CCSER1: variants seen among roughly 807,000 people sequenced by gnomAD.
CCSER1 encodes serine-rich coiled-coil domain-containing protein 1.
Under a neutral mutation model 82.0 loss-of-function variants are expected in CCSER1, and 41 were observed. The observed-to-expected ratio is 0.50, with a 90% CI of 0.39 to 0.65. The LOEUF (loss-of-function observed/expected upper bound fraction) is 0.65. Ranked by LOEUF, CCSER1 falls within the 30% of genes least tolerant of loss-of-function variation. The probability of loss-of-function intolerance (pLI) is 0.00; values close to 1 mark genes in which losing one functional copy is unlikely to be tolerated. For synonymous variants in CCSER1, 414 were observed against 383.9 expected (o/e 1.08, Z -0.92); for missense variants, 1,119 against 1,064.2 (o/e 1.05, Z -0.72).
intron 6 of CCSER1, among the ~76,000 whole-genome samples, chr4:90,638,475 T>A (rs1322188639): frequency 6.6e-6 from 1 of 152,160 alleles, no homozygotes; most frequent in Admixed American, 6.6e-5. Context: ...TATAAATTAT[T>A]ACAAGTTATT....
chr4:90,168,450 C>A (rs1730950851), intron 1 of CCSER1, among the ~76,000 whole-genome samples: 1 of 152,080 alleles, frequency 6.6e-6, no homozygotes, highest in South Asian at 2.1e-4. Flanking sequence ...ATGGTAGTTT[C>A]TTTTGCAGTG....
intron 5 of CCSER1, among the ~76,000 whole-genome samples, chr4:90,505,152 A>C (rs548776485): frequency 2.6e-5 from 4 of 152,350 alleles, no homozygotes; most frequent in Non-Finnish European, 5.9e-5. Flanking sequence ...GCATTTTGGC[A>C]CTAAGAACAG....
intron 10 of CCSER1, among the ~76,000 whole-genome samples, chr4:91,377,998 A>T (rs1750560207): frequency 6.6e-6 from 1 of 152,226 alleles, no homozygotes; most frequent in African/African-American, 2.4e-5. Context: ...ACCATTTATT[A>T]AATATAGAAT....
intron 3 of CCSER1, among the ~76,000 whole-genome samples, chr4:90,353,815 G>A (rs1213646231): frequency 6.6e-6 from 1 of 152,106 alleles, no homozygotes; most frequent in Non-Finnish European, 1.5e-5. Context: ...GGTACTGGCC[G>A]GAGGAACCCC....
At chr4:90,128,815 G>T (rs1722316184) in intron 1 of CCSER1, among the ~76,000 whole-genome samples, 1 of 151,652 alleles carries the variant, frequency 6.6e-6, no homozygotes, top group South Asian at 2.1e-4. Flanking sequence ...AGTGTATCCT[G>T]AACTGCTCTC....
intron 3 of CCSER1, among the ~76,000 whole-genome samples, chr4:90,348,759 G>A (rs1487750992): frequency 6.6e-6 from 1 of 152,060 alleles, no homozygotes; most frequent in African/African-American, 2.4e-5. Context: ...ATTATCTGAG[G>A]TTTCTGACAT....
chr4:90,616,396 T>C (rs1051447136), intron 5 of CCSER1, among the ~76,000 whole-genome samples: 1 of 152,024 alleles, frequency 6.6e-6, no homozygotes, highest in Non-Finnish European at 1.5e-5. Context: ...AAAAAATGTT[T>C]TAGACTGGGT....
At chr4:90,643,535 G>T (rs10007383) in intron 6 of CCSER1, among the ~76,000 whole-genome samples, 20,146 of 152,158 alleles carry the variant, frequency 0.13, 1,764 homozygotes, top group East Asian at 0.33. Context: ...GGGGATAACA[G>T]TCACATATCA....
chr4:90,929,506 C>A (rs556959145), intron 9 of CCSER1, among the ~76,000 whole-genome samples: 172 of 152,218 alleles, frequency 1.1e-3, no homozygotes, highest in African/African-American at 4.0e-3. Flanking sequence ...CTGAATGATT[C>A]TTTTTAAAAT....
Position 90,933,276 on chromosome 4 carries a change from C to T in CCSER1, c.2172+9829C>T, listed in dbSNP as rs548681656. Among the ~76,000 whole-genome samples the T allele has an allele frequency of 9.2e-3, 1,387 of 151,128 alleles. 30 individuals carry two copies. The highest frequency in any genetic ancestry group is 0.032 in the African/African-American group (1,329 of 41,064). ...GGTCTCGGCTCACTGCAATCTCCAC[C>T]TCCCGGGTTCACCGCATTCTCCTGC... On this transcript the variant is annotated intron_variant, in intron 9 of 10. Transcript: ENST00000509176.
At chr4:91,591,938 T>G (rs1764289588) in intron 10 of CCSER1, among the ~76,000 whole-genome samples, 1 of 152,150 alleles carries the variant, frequency 6.6e-6, no homozygotes, top group South Asian at 2.1e-4. Context: ...GCTTTGGTGG[T>G]TTTGAAAGAT....
intron 6 of CCSER1, among the ~76,000 whole-genome samples, chr4:90,719,186 TC>T (rs1742240129): frequency 3.3e-5 from 5 of 152,072 alleles, no homozygotes; most frequent in Admixed American, 2.6e-4. Flanking sequence ...CACCTGCCTT[TC>T]AGATCAGCTG....
At chr4:91,553,276 A>G (rs1395024786) in intron 10 of CCSER1, among the ~76,000 whole-genome samples, 1 of 151,352 alleles carries the variant, frequency 6.6e-6, no homozygotes, top group Non-Finnish European at 1.5e-5. Flanking sequence ...ATCCTTTTCA[A>G]TGGCCTGTTA....
At chr4:90,171,209 A>T (rs536875886) in intron 1 of CCSER1, among the ~76,000 whole-genome samples, 2 of 80,254 alleles carry the variant, frequency 2.5e-5, no homozygotes, top group South Asian at 3.7e-4. Context: ...AATATATTTT[A>T]AAAATTTATT....
At chr4:90,134,113 G>GTCAT (rs1382605998) in intron 1 of CCSER1, among the ~76,000 whole-genome samples, 1 of 152,172 alleles carries the variant, frequency 6.6e-6, no homozygotes, top group Non-Finnish European at 1.5e-5. Flanking sequence ...GTTATGTCAT[G>GTCAT]TCATTCTAAC....
chr4:90,167,240 T>C (rs1355446730), intron 1 of CCSER1, among the ~76,000 whole-genome samples: 1 of 152,114 alleles, frequency 6.6e-6, no homozygotes, highest in East Asian at 1.9e-4. Flanking sequence ...TTTAAGCATA[T>C]AGTTACATCC....
chr4:90,533,056 C>A (rs1382213822), intron 5 of CCSER1, among the ~76,000 whole-genome samples: 6 of 145,670 alleles, frequency 4.1e-5, no homozygotes, highest in African/African-American at 1.3e-4. Flanking sequence ...CATTTACCCA[C>A]AAATTTGAAT....
intron 9 of CCSER1, among the ~76,000 whole-genome samples, chr4:91,056,226 C>T (rs1357242793): frequency 6.6e-6 from 1 of 151,954 alleles, no homozygotes; most frequent in East Asian, 1.9e-4. Flanking sequence ...CTTTGAGAGG[C>T]CATATTTTTA....
intron 1 of CCSER1, among the ~76,000 whole-genome samples, chr4:90,191,294 A>T (rs185394948): frequency 6.7e-6 from 1 of 149,204 alleles, no homozygotes; most frequent in Non-Finnish European, 1.5e-5. Context: ...CAATCTGAGT[A>T]TGGGGGCGGG....
Sources: gnomAD v4.1 joint callset for allele counts (sites outside exome capture counted in the v4.1 genomes callset) on GRCh38, gnomAD v4.1.1 for gene constraint, MANE v1.5 for transcripts, NCBI Gene and HGNC (gene_info 2026-07-23, HGNC 2026-07-21) for gene names.